Variants in ZFHX3 observed in about 807,000 individuals in gnomAD.
The protein encoded by ZFHX3 is zinc finger homeobox 3.
ZFHX3 carries 42 observed loss-of-function variants against 279.1 expected under a neutral mutation model. The observed-to-expected ratio is 0.15, with a 90% CI of 0.12 to 0.19. ZFHX3 has a LOEUF of 0.19. Among genes scored for constraint, ZFHX3 ranks in the 10% least tolerant of loss-of-function variants. The pLI is 1.00. For missense variants in ZFHX3, 4,981 were observed against 4,754.0 expected (o/e 1.05, Z -1.40); for synonymous variants, 2,293 against 1,957.8 (o/e 1.17, Z -4.52).
At chr16:72,854,938 T>C (rs11463933) in intron 4 of ZFHX3, among the ~76,000 whole-genome samples, 1 of 73,920 alleles carries the variant, frequency 1.4e-5, no homozygotes, top group African/African-American at 5.4e-5. Context: ...AATTGGTGGG[T>C]GGGGGGGGGG....
At chr16:73,782,716 G>C (rs942885154) in intron 1 of ZFHX3, among the ~76,000 whole-genome samples, 7 of 152,126 alleles carry the variant, frequency 4.6e-5, no homozygotes, top group African/African-American at 1.7e-4. Flanking sequence ...ATGACCCTCT[G>C]GTTCTGCCCT....
intron 2 of ZFHX3, among the ~76,000 whole-genome samples, chr16:73,490,485 A>G (rs747741197): frequency 2.0e-5 from 3 of 152,306 alleles, no homozygotes; most frequent in East Asian, 1.9e-4. Context: ...TTGAATTGCT[A>G]TGTTACGTAA....
chr16:73,030,994 T>C (rs1381524643), intron 1 of ZFHX3, among the ~76,000 whole-genome samples: 3 of 152,230 alleles, frequency 2.0e-5, no homozygotes, highest in African/African-American at 4.8e-5. Flanking sequence ...TGTGGTTTCC[T>C]GCTACCTCTC....
chr16:73,300,155 G>A (rs1449099208), intron 4 of ZFHX3, among the ~76,000 whole-genome samples: 1 of 151,768 alleles, frequency 6.6e-6, no homozygotes, highest in Non-Finnish European at 1.5e-5. Flanking sequence ...AGCTACTCAG[G>A]AGACTGAGGC....
At chr16:72,994,520 A>G (rs1351146134) in intron 1 of ZFHX3, among the ~76,000 whole-genome samples, 1 of 152,218 alleles carries the variant, frequency 6.6e-6, no homozygotes, top group Non-Finnish European at 1.5e-5. Flanking sequence ...ACCAAGGAAC[A>G]AAAGTCATCG....
chr16:73,591,534 T>C (rs1365746214), intron 2 of ZFHX3, among the ~76,000 whole-genome samples: 2 of 149,748 alleles, frequency 1.3e-5, no homozygotes, highest in African/African-American at 2.5e-5. Context: ...CTACTAAAAA[T>C]ACAAAAAAAT....
At chr16:73,760,556 A>T (rs2053853345) in intron 1 of ZFHX3, among the ~76,000 whole-genome samples, 1 of 152,222 alleles carries the variant, frequency 6.6e-6, no homozygotes, top group Non-Finnish European at 1.5e-5. Context: ...CAATATGAAC[A>T]TCAATGTAAA....
At chr16:73,486,793 G>T (rs956160185) in intron 2 of ZFHX3, 3 of 455,756 alleles carry the variant, frequency 6.6e-6, no homozygotes, top group Admixed American at 4.7e-5. Context: ...TGCTAAGAAA[G>T]AATCCATCGT....
chr16:73,299,748 T>C (rs1348473668), intron 4 of ZFHX3, among the ~76,000 whole-genome samples: 4 of 152,176 alleles, frequency 2.6e-5, no homozygotes, highest in South Asian at 4.1e-4. Context: ...GTGCAAATCA[T>C]AGGGCCTACC....
chr16:73,082,388 C>T (rs546125815), intron 8 of ZFHX3, among the ~76,000 whole-genome samples: 1 of 152,236 alleles, frequency 6.6e-6, no homozygotes, highest in East Asian at 1.9e-4. Flanking sequence ...CTGCCTCAGC[C>T]TCCCGAATAG....
In ZFHX3 at chr16:72,785,415, ATG is replaced by A. The variant is rs2035322198; in HGVS notation, c.*1747_*1748del. 1 of 152,686 alleles carries A rather than the reference ATG, an allele frequency of 6.5e-6. No homozygotes were observed. Among genetic ancestry groups the A allele is most frequent in the Non-Finnish European group, 1.5e-5 (1 of 68,038 alleles). 9.5% of individuals were successfully genotyped at this position (152,686 alleles called of 1,614,324 possible). A position where few individuals can be genotyped will look rare whatever the true frequency, so the allele number is the denominator to read the frequency against. On this transcript the variant is annotated 3_prime_UTR_variant, in exon 10 of 10. Transcript: ENST00000268489. ...CAAGGACAAAACTTTGAAGTAAAAA[ATG>A]TGTCTTTTGGTATATGGAATTGTCA...
At chr16:73,870,540 G>C (rs1404557622) in intron 1 of ZFHX3, among the ~76,000 whole-genome samples, 1 of 151,162 alleles carries the variant, frequency 6.6e-6, no homozygotes, top group Non-Finnish European at 1.5e-5. Context: ...GGAATAGCCA[G>C]ACAAGTGCCC....
chr16:73,544,040 G>A (rs138116591), intron 2 of ZFHX3: 1 of 152,388 alleles, frequency 6.6e-6, no homozygotes, highest in Non-Finnish European at 1.5e-5. Flanking sequence ...AAGGTTGCAT[G>A]GGCAAAGACA....
At chr16:73,753,986 A>AGTGTGTGTGTGTG (rs138127983) in intron 1 of ZFHX3, among the ~76,000 whole-genome samples, 4 of 147,324 alleles carry the variant, frequency 2.7e-5, no homozygotes, top group Admixed American at 1.3e-4. Context: ...GTAAGAATCA[A>AGTGTGTGTGTGTG]TGTGTGTGTG....
intron 4 of ZFHX3, among the ~76,000 whole-genome samples, chr16:72,863,539 G>GAGAGAA (rs2037939373): frequency 6.7e-6 from 1 of 149,416 alleles, no homozygotes; most frequent in African/African-American, 2.4e-5. Context: ...GAGACAGACA[G>GAGAGAA]AGAGAGAGAG....
intron 1 of ZFHX3, among the ~76,000 whole-genome samples, chr16:72,986,288 G>A (rs993867390): frequency 6.6e-6 from 1 of 152,264 alleles, no homozygotes; most frequent in Middle Eastern, 3.4e-3. Context: ...CTTAGGACCC[G>A]CCATGTGATA....
At chr16:73,335,309 A>T (rs1212698160) in intron 3 of ZFHX3, among the ~76,000 whole-genome samples, 1 of 152,178 alleles carries the variant, frequency 6.6e-6, no homozygotes, top group African/African-American at 2.4e-5. Flanking sequence ...AAATTTTACA[A>T]TTCTGAATTA....
chr16:72,839,046 T>C (rs909538149), intron 4 of ZFHX3, among the ~76,000 whole-genome samples: 1 of 152,206 alleles, frequency 6.6e-6, no homozygotes, highest in Non-Finnish European at 1.5e-5. Flanking sequence ...CAGGGATTAG[T>C]TCCCTTGGAT....
At chr16:73,072,211 GAGGA>G (rs1965833434) in intron 8 of ZFHX3, among the ~76,000 whole-genome samples, 1 of 152,156 alleles carries the variant, frequency 6.6e-6, no homozygotes, top group Non-Finnish European at 1.5e-5. Flanking sequence ...AACACTTTGG[GAGGA>G]AGGTGGATCA....
Sources: allele counts gnomAD v4.1 joint callset (sites outside exome capture counted in the v4.1 genomes callset), GRCh38; gene constraint gnomAD v4.1.1; transcripts MANE v1.5; gene names NCBI Gene and HGNC (gene_info 2026-07-23, HGNC 2026-07-21).